GFRA1: variants seen among roughly 807,000 people sequenced by gnomAD.
GFRA1 encodes GDNF family receptor alpha-1.
In GFRA1, 16 loss-of-function variants were observed where a neutral mutation model predicts 51.6. The observed-to-expected ratio is 0.31, with a 90% CI of 0.21 to 0.47. GFRA1 has a LOEUF of 0.47. Ranked by LOEUF, GFRA1 falls within the 20% of genes least tolerant of loss-of-function variation. The probability of loss-of-function intolerance (pLI) is 1.00; values close to 1 mark genes in which losing one functional copy is unlikely to be tolerated. For missense variants in GFRA1, 530 were observed against 594.3 expected, an observed-to-expected ratio of 0.89 and a Z score of 1.13; for synonymous variants, 270 against 241.3, an observed-to-expected ratio of 1.12 and a Z score of -1.10.
intron 5 of GFRA1, among the ~76,000 whole-genome samples, chr10:116,161,765 T>G (rs1327377842): frequency 6.6e-6 from 1 of 152,250 alleles, no homozygotes; most frequent in South Asian, 2.1e-4. Context: ...CATGTGGAAC[T>G]GTGAGCCCAT....
At chr10:116,229,859 A>G (rs1966571604) in intron 4 of GFRA1, among the ~76,000 whole-genome samples, 1 of 152,192 alleles carries the variant, frequency 6.6e-6, no homozygotes, top group African/African-American at 2.4e-5. Flanking sequence ...AGTTTATTTT[A>G]ACCAGCTCTC....
chr10:116,078,719 C>G (rs1348163959), intron 9 of GFRA1, among the ~76,000 whole-genome samples: 1 of 152,078 alleles, frequency 6.6e-6, no homozygotes, highest in Admixed American at 6.6e-5. Flanking sequence ...ACAAAAATAA[C>G]AGCGGGTGCT....
intron 4 of GFRA1, among the ~76,000 whole-genome samples, chr10:116,239,407 GT>G (rs1203917583): frequency 1.3e-5 from 2 of 152,166 alleles, no homozygotes; most frequent in African/African-American, 4.8e-5. Flanking sequence ...CATGCTGGAA[GT>G]ACAGTGTCTA....
At chr10:116,103,345 T>C (rs1956888797) in intron 6 of GFRA1, among the ~76,000 whole-genome samples, 1 of 152,220 alleles carries the variant, frequency 6.6e-6, no homozygotes, top group African/African-American at 2.4e-5. Flanking sequence ...CAGCCTTTGC[T>C]GGAAAAACAC....
chr10:116,187,823 T>TA (rs368198656), intron 5 of GFRA1, among the ~76,000 whole-genome samples: 3 of 152,008 alleles, frequency 2.0e-5, no homozygotes, highest in South Asian at 4.2e-4. Context: ...AGGATTCTAG[T>TA]AAAAAAGGCA....
At chr10:116,238,713 C>A (rs1319932048) in intron 4 of GFRA1, among the ~76,000 whole-genome samples, 1 of 152,182 alleles carries the variant, frequency 6.6e-6, no homozygotes, top group East Asian at 1.9e-4. Context: ...AATCTAAAAT[C>A]TATGGGATAT....
intron 6 of GFRA1, among the ~76,000 whole-genome samples, chr10:116,102,822 C>T (rs905053659): frequency 3.3e-5 from 5 of 152,218 alleles, no homozygotes; most frequent in African/African-American, 9.6e-5. Flanking sequence ...GGTGGGGACA[C>T]AGCCAGACCA....
intron 5 of GFRA1, among the ~76,000 whole-genome samples, chr10:116,203,787 G>A (rs78612159): frequency 6.6e-6 from 1 of 152,292 alleles, no homozygotes; most frequent in Non-Finnish European, 1.5e-5. Flanking sequence ...AATCAATTAG[G>A]GAAGGTACAG....
chr10:116,248,541 A>G (rs1459102427), intron 4 of GFRA1, among the ~76,000 whole-genome samples: 1 of 152,184 alleles, frequency 6.6e-6, no homozygotes, highest in Non-Finnish European at 1.5e-5. Flanking sequence ...GCTAGGGCTC[A>G]TTGTTTCTAA....
In GFRA1 at chr10:116,211,619, C is replaced by A; in HGVS notation, c.433+12G>T. On this transcript the variant is annotated intron_variant, in intron 5 of 10. Coordinates refer to ENST00000355422, the MANE Select transcript of GFRA1 (RefSeq NM_005264.8). ...AGCCAGTGAAAAAGCAGGCAGGAAA[C>A]AGTGAACTTACCTTGCTGAAAAACA... 2 of 1,550,240 alleles carry A rather than the reference C, an allele frequency of 1.3e-6. No individual in the cohort carries two copies. Among genetic ancestry groups the A allele is most frequent in the Non-Finnish European group, 8.7e-7 (1 of 1,145,868 alleles).
chr10:116,070,486 G>A (rs541417834), intron 9 of GFRA1, among the ~76,000 whole-genome samples: 1 of 152,138 alleles, frequency 6.6e-6, no homozygotes, highest in Non-Finnish European at 1.5e-5. Context: ...ATGTTCCGTT[G>A]TAAGACAAGC....
intron 4 of GFRA1, among the ~76,000 whole-genome samples, chr10:116,246,105 T>A (rs560294563): frequency 1.3e-5 from 2 of 152,310 alleles, no homozygotes; most frequent in South Asian, 2.1e-4. Context: ...CATCAATGAC[T>A]CATTAATTGT....
chr10:116,218,249 A>G (rs1373078681), intron 4 of GFRA1, among the ~76,000 whole-genome samples: 3 of 152,002 alleles, frequency 2.0e-5, no homozygotes, highest in Non-Finnish European at 4.4e-5. Flanking sequence ...TCTCAAGACC[A>G]CCATTTAGGG....
chr10:116,141,812 G>T (rs188859942), intron 5 of GFRA1, among the ~76,000 whole-genome samples: 21 of 152,226 alleles, frequency 1.4e-4, no homozygotes, highest in Admixed American at 1.2e-3. Flanking sequence ...TCAAACTCCT[G>T]ACCTCAGGGG....
At chr10:116,206,226 C>A (rs1039110006) in intron 5 of GFRA1, among the ~76,000 whole-genome samples, 1 of 152,060 alleles carries the variant, frequency 6.6e-6, no homozygotes, top group Non-Finnish European at 1.5e-5. Flanking sequence ...CACTCAAATC[C>A]CACACTCATA....
chr10:116,249,342 G>A (rs1968126516), intron 4 of GFRA1, among the ~76,000 whole-genome samples: 3 of 152,066 alleles, frequency 2.0e-5, no homozygotes, highest in Admixed American at 6.6e-5. Context: ...CGAGTGTGGC[G>A]CTGTTGGGAG....
chr10:116,172,583 G>T (rs2134234074), intron 5 of GFRA1, among the ~76,000 whole-genome samples: 1 of 152,292 alleles, frequency 6.6e-6, no homozygotes, highest in Admixed American at 6.5e-5. Flanking sequence ...GGGGCAGAGG[G>T]TTCAGAGAAG....
chr10:116,208,330 A>C (rs1964936801), intron 5 of GFRA1, among the ~76,000 whole-genome samples: 1 of 152,022 alleles, frequency 6.6e-6, no homozygotes, highest in Admixed American at 6.6e-5. Flanking sequence ...TGTAAACTTG[A>C]CTACAGAATG....
At chr10:116,185,608 G>C (rs1962631161) in intron 5 of GFRA1, among the ~76,000 whole-genome samples, 1 of 152,168 alleles carries the variant, frequency 6.6e-6, no homozygotes, top group Admixed American at 6.5e-5. Context: ...CCTCTGGGCA[G>C]GATACATCTC....
Sources: allele counts gnomAD v4.1 joint callset (sites outside exome capture counted in the v4.1 genomes callset), GRCh38; gene constraint gnomAD v4.1.1; transcripts MANE v1.5; gene names NCBI Gene and HGNC (gene_info 2026-07-23, HGNC 2026-07-21).